Variants in KCNIP4 observed in about 807,000 individuals in gnomAD.
The protein encoded by KCNIP4 is potassium voltage-gated channel interacting protein 4.
Under a neutral mutation model 34.0 loss-of-function variants are expected in KCNIP4, and 12 were observed. That is an observed-to-expected ratio of 0.35 (90% CI 0.23 to 0.57). KCNIP4 has a LOEUF of 0.57. KCNIP4 is among the 20% of genes least tolerant of loss of function. The probability of loss-of-function intolerance (pLI) is 0.83; values close to 1 mark genes in which losing one functional copy is unlikely to be tolerated. For synonymous variants in KCNIP4, 124 were observed against 102.2 expected, an observed-to-expected ratio of 1.21 and a Z score of -1.29; for missense variants, 238 against 311.7, an observed-to-expected ratio of 0.76 and a Z score of 1.78.
At chr4:21,929,750 T>C (rs892656922) in intron 1 of KCNIP4, among the ~76,000 whole-genome samples, 1 of 152,162 alleles carries the variant, frequency 6.6e-6, no homozygotes, top group Non-Finnish European at 1.5e-5. Context: ...CACTGCAATC[T>C]GGCTTCTGCC....
At chr4:21,671,556 C>A (rs370749168) in intron 1 of KCNIP4, among the ~76,000 whole-genome samples, 1 of 152,176 alleles carries the variant, frequency 6.6e-6, no homozygotes, top group South Asian at 2.1e-4. Context: ...TTCACAGAAT[C>A]TTCATCACAT....
chr4:21,841,272 G>A (rs1321463178), intron 1 of KCNIP4, among the ~76,000 whole-genome samples: 2 of 151,986 alleles, frequency 1.3e-5, no homozygotes, highest in Non-Finnish European at 2.9e-5. Context: ...ATTTGAAAAG[G>A]TCCATACAGA....
chr4:20,916,985 T>TTATATATA (rs1157104290), intron 1 of KCNIP4, among the ~76,000 whole-genome samples: 3 of 41,374 alleles, frequency 7.3e-5, no homozygotes, highest in Admixed American at 2.8e-4. Flanking sequence ...CATCTTATGT[T>TTATATATA]TATATATATA....
In KCNIP4 at chr4:21,370,882, C is replaced by CACACACACACACACACGT. The variant is rs367553482; in HGVS notation, c.62-488174_62-488173insACGTGTGTGTGTGTGTGT. 7.6e-5 allele frequency among the ~76,000 whole-genome samples: 3 copies of CACACACACACACACACGT among 39,396 alleles called. 1 individual carries two copies. Among genetic ancestry groups the CACACACACACACACACGT allele is most frequent in the Non-Finnish European group, 1.4e-4 (3 of 20,708 alleles). 25.8% of individuals were successfully genotyped at this position (39,396 alleles called of 152,430 possible). The stretch of plus-strand genomic sequence containing the variant: ...ACACACACACACACACACACACACA[C>CACACACACACACACACGT]GTGTGTGTGTGTGTGTGTGTATTAG... On this transcript the variant is annotated intron_variant, in intron 1 of 8. Coordinates refer to ENST00000382152, the MANE Select transcript of KCNIP4 (RefSeq NM_025221.6).
intron 1 of KCNIP4, among the ~76,000 whole-genome samples, chr4:21,037,544 T>C (rs2149773446): frequency 1.3e-5 from 2 of 152,360 alleles, no homozygotes; most frequent in Middle Eastern, 6.8e-3. Flanking sequence ...GGCTACACCC[T>C]CTAGGTTTGT....
intron 1 of KCNIP4, among the ~76,000 whole-genome samples, chr4:21,424,977 T>G (rs1203270176): frequency 6.6e-6 from 1 of 152,178 alleles, no homozygotes; most frequent in African/African-American, 2.4e-5. Context: ...CACAACAAAG[T>G]TCTTTTGGCA....
intron 1 of KCNIP4, among the ~76,000 whole-genome samples, chr4:21,872,873 A>G (rs1725896140): frequency 6.6e-6 from 1 of 152,218 alleles, no homozygotes; most frequent in East Asian, 1.9e-4. Context: ...AGTATAGAAC[A>G]CATCCATACA....
intron 1 of KCNIP4, among the ~76,000 whole-genome samples, chr4:21,317,338 T>A (rs1455545104): frequency 3.3e-5 from 5 of 152,308 alleles, no homozygotes; most frequent in East Asian, 3.9e-4. Flanking sequence ...AATATGAAGT[T>A]GTAAAAATAT....
chr4:21,379,807 TGTAA>T (rs1479988499), intron 1 of KCNIP4, among the ~76,000 whole-genome samples: 2 of 152,192 alleles, frequency 1.3e-5, no homozygotes, highest in Non-Finnish European at 2.9e-5. Flanking sequence ...ATAGAAATTT[TGTAA>T]GTGCTTTCAT....
intron 1 of KCNIP4, among the ~76,000 whole-genome samples, chr4:21,700,742 T>C (rs1306450356): frequency 6.6e-6 from 1 of 152,134 alleles, no homozygotes; most frequent in African/African-American, 2.4e-5. Flanking sequence ...TACATTTAAG[T>C]ATTTAATCTA....
chr4:21,439,061 C>T (rs1018930296), intron 1 of KCNIP4, among the ~76,000 whole-genome samples: 2 of 151,050 alleles, frequency 1.3e-5, no homozygotes, highest in Non-Finnish European at 2.9e-5. Context: ...ACTCGGGAGG[C>T]TGAGGCAGGA....
chr4:21,192,486 C>T (rs1372782915), intron 1 of KCNIP4, among the ~76,000 whole-genome samples: 2 of 151,950 alleles, frequency 1.3e-5, no homozygotes, highest in African/African-American at 4.8e-5. Flanking sequence ...ATTAACAGAG[C>T]CTAATTACTC....
chr4:21,739,061 G>A lies in KCNIP4; in HGVS notation c.61+209510C>T, dbSNP rs114969491. On this transcript the variant is annotated intron_variant, in intron 1 of 8. Coordinates refer to ENST00000382152, the MANE Select transcript of KCNIP4 (RefSeq NM_025221.6). ...ACCCAATTATCTTAGACAATACAGA[G>A]TGCTGGATTGGCCACTACATTTTGC... Among the ~76,000 whole-genome samples the A allele has an allele frequency of 3.8e-3, 583 of 152,224 alleles. 6 individuals are homozygous for A. Among genetic ancestry groups the A allele is most frequent in the African/African-American group, 0.014 (563 of 41,566 alleles).
intron 1 of KCNIP4, among the ~76,000 whole-genome samples, chr4:21,000,898 C>T (rs2149718294): frequency 6.6e-6 from 1 of 152,266 alleles, no homozygotes; most frequent in Admixed American, 6.5e-5. Context: ...CAGCAGCTAC[C>T]TTCTCTCAAA....
At chr4:21,109,986 G>A (rs958238519) in intron 1 of KCNIP4, among the ~76,000 whole-genome samples, 1 of 152,076 alleles carries the variant, frequency 6.6e-6, no homozygotes, top group Non-Finnish European at 1.5e-5. Context: ...ACACAAATTT[G>A]TTGTTAGGGA....
At chr4:21,262,022 T>C (rs1259993606) in intron 1 of KCNIP4, among the ~76,000 whole-genome samples, 1 of 152,166 alleles carries the variant, frequency 6.6e-6, no homozygotes, top group Non-Finnish European at 1.5e-5. Context: ...CCTGCACATT[T>C]CCCCAGTCTT....
intron 1 of KCNIP4, among the ~76,000 whole-genome samples, chr4:21,391,824 C>T (rs1156611134): frequency 6.6e-6 from 1 of 152,124 alleles, no homozygotes; most frequent in Non-Finnish European, 1.5e-5. Context: ...CATACTGTTC[C>T]TTAATTCAAC....
At chr4:21,615,790 C>T (rs772172560) in intron 1 of KCNIP4, among the ~76,000 whole-genome samples, 2 of 152,118 alleles carry the variant, frequency 1.3e-5, no homozygotes, top group Non-Finnish European at 2.9e-5. Flanking sequence ...CTCTCACACC[C>T]CACATCCAAT....
In KCNIP4 at chr4:21,698,019, A is replaced by G. The variant is rs1024079789; in HGVS notation, c.61+250552T>C. ...AGAGGGAAGCATGCTGCTCAAGGTCAGACATCAGACAACTCCCTTGACACA... is the reference window on the plus strand; with the variant it reads ...AGAGGGAAGCATGCTGCTCAAGGTCGGACATCAGACAACTCCCTTGACACA... On this transcript the variant is annotated intron_variant, in intron 1 of 8. Coordinates refer to ENST00000382152, the MANE Select transcript of KCNIP4 (RefSeq NM_025221.6). 1.1e-4 allele frequency among the ~76,000 whole-genome samples: 11 copies of G among 101,400 alleles called. No homozygotes were observed. In the South Asian group the frequency reaches 1.3e-3, roughly 12 times the overall value. 66.5% of individuals were successfully genotyped at this position (101,400 alleles called of 152,430 possible). A position where few individuals can be genotyped will look rare whatever the true frequency, so the allele number is the denominator to read the frequency against.
Sources: allele counts gnomAD v4.1 joint callset (sites outside exome capture counted in the v4.1 genomes callset), GRCh38; gene constraint gnomAD v4.1.1; transcripts MANE v1.5; gene names NCBI Gene and HGNC (gene_info 2026-07-23, HGNC 2026-07-21).